The following ADGRL2 variants were observed in gnomAD, a reference collection of about 807,000 sequenced individuals.
The protein encoded by ADGRL2 is adhesion G protein-coupled receptor L2.
ADGRL2 carries 44 observed loss-of-function variants against 157.4 expected under a neutral mutation model. The ratio of observed to expected loss-of-function variants is 0.28; its 90% CI spans 0.22 to 0.36. The LOEUF is 0.36. Among genes scored for constraint, ADGRL2 ranks in the 10% least tolerant of loss-of-function variants. ADGRL2 has a pLI of 1.00. For missense variants in ADGRL2, 1,510 were observed against 1,768.9 expected, an observed-to-expected ratio of 0.85 and a Z score of 2.63; for synonymous variants, 585 against 624.7, an observed-to-expected ratio of 0.94 and a Z score of 0.95.
chr1:81,469,524 C>A (rs1384433295), intron 2 of ADGRL2, among the ~76,000 whole-genome samples: 2 of 152,180 alleles, frequency 1.3e-5, no homozygotes, highest in Non-Finnish European at 2.9e-5. Context: ...GAGTTTTCAG[C>A]TCTTATTCAA....
chr1:81,808,380 G>A (rs1352824067), intron 1 of ADGRL2, among the ~76,000 whole-genome samples: 3 of 152,148 alleles, frequency 2.0e-5, no homozygotes, highest in East Asian at 1.9e-4. Flanking sequence ...TGTTCACAGT[G>A]TAAGGATATT....
intron 2 of ADGRL2, among the ~76,000 whole-genome samples, chr1:81,880,774 C>A (rs1217876430): frequency 6.6e-6 from 1 of 151,630 alleles, no homozygotes. Context: ...GAATTTTTCA[C>A]CACGGGCATG....
intron 1 of ADGRL2, among the ~76,000 whole-genome samples, chr1:81,809,512 A>G: frequency 6.6e-6 from 1 of 152,034 alleles, no homozygotes; most frequent in Non-Finnish European, 1.5e-5. Context: ...CTTAGCATCA[A>G]TTCAAGCACA....
chr1:81,970,253 T>G (rs1658326906), intron 15 of ADGRL2, 61 bp from the exon 16 acceptor site: 1 of 1,067,030 alleles, frequency 9.4e-7, no homozygotes, highest in African/African-American at 1.6e-5. Context: ...TTTATAATTT[T>G]GGAGTGGGCT....
intron 2 of ADGRL2, among the ~76,000 whole-genome samples, chr1:81,555,997 G>GA (rs200263885): frequency 3.9e-4 from 56 of 141,904 alleles, no homozygotes; most frequent in East Asian, 6.1e-4. Context: ...CTACATTCCT[G>GA]AAAAAAAAAA....
chr1:81,606,967 CA>C (rs2081447897), intron 3 of ADGRL2, among the ~76,000 whole-genome samples: 1 of 152,210 alleles, frequency 6.6e-6, no homozygotes, highest in East Asian at 1.9e-4. Context: ...ACTCTAAAAC[CA>C]AAAGCAACAC....
At chr1:81,318,283 T>G (rs558783041) in intron 1 of ADGRL2, among the ~76,000 whole-genome samples, 1 of 152,298 alleles carries the variant, frequency 6.6e-6, no homozygotes, top group East Asian at 1.9e-4. Flanking sequence ...AAGATTACAT[T>G]TTACATCAAT....
intron 2 of ADGRL2, among the ~76,000 whole-genome samples, chr1:81,506,816 T>C (rs2078985205): frequency 6.6e-6 from 1 of 152,184 alleles, no homozygotes; most frequent in African/African-American, 2.4e-5. Flanking sequence ...ACAAAAAAGA[T>C]TGCTGAATCT....
intron 1 of ADGRL2, among the ~76,000 whole-genome samples, chr1:81,804,894 G>C (rs146432105): frequency 6.6e-6 from 1 of 152,128 alleles, no homozygotes; most frequent in Non-Finnish European, 1.5e-5. Context: ...GTAGGTAACT[G>C]TTTTTTATGT....
At chr1:81,353,744 C>T (rs1269848205) in intron 1 of ADGRL2, among the ~76,000 whole-genome samples, 2 of 152,014 alleles carry the variant, frequency 1.3e-5, no homozygotes, top group African/African-American at 2.4e-5. Context: ...GTGAGTATGC[C>T]ACATTTCAAG....
chr1:81,728,284 T>C (rs2084604927), intron 1 of ADGRL2, among the ~76,000 whole-genome samples: 1 of 152,204 alleles, frequency 6.6e-6, no homozygotes, highest in Non-Finnish European at 1.5e-5. Flanking sequence ...AATCTTAAAA[T>C]TTTGACTAAG....
At chr1:81,447,137 C>T (rs550152457) in intron 2 of ADGRL2, among the ~76,000 whole-genome samples, 24 of 151,932 alleles carry the variant, frequency 1.6e-4, no homozygotes, top group Non-Finnish European at 2.1e-4. Flanking sequence ...TATTGTGAAG[C>T]GCATATATTA....
At chr1:81,450,010 C>T (rs1320592550) in intron 2 of ADGRL2, among the ~76,000 whole-genome samples, 4 of 152,158 alleles carry the variant, frequency 2.6e-5, no homozygotes, top group Non-Finnish European at 4.4e-5. Flanking sequence ...ATTCCACCAC[C>T]GATGAGTCAG....
chr1:81,580,157 T>C (rs1157160280), intron 2 of ADGRL2, among the ~76,000 whole-genome samples: 1 of 152,164 alleles, frequency 6.6e-6, no homozygotes, highest in Non-Finnish European at 1.5e-5. Flanking sequence ...AGAGAAGCCG[T>C]AATCCACTGC....
chr1:81,558,823 G>A (rs1369731960), intron 2 of ADGRL2, among the ~76,000 whole-genome samples: 1 of 152,122 alleles, frequency 6.6e-6, no homozygotes, highest in Non-Finnish European at 1.5e-5. Flanking sequence ...AAGTACAGAT[G>A]GAAAAGAAGA....
At chr1:81,576,081 C>T (rs555414343) in intron 2 of ADGRL2, among the ~76,000 whole-genome samples, 1 of 152,106 alleles carries the variant, frequency 6.6e-6, no homozygotes, top group African/African-American at 2.4e-5. Flanking sequence ...CAGGATTAAG[C>T]ATTTTATTTA....
intron 3 of ADGRL2, among the ~76,000 whole-genome samples, chr1:81,636,612 G>A (rs1057358387): frequency 4.0e-5 from 6 of 151,810 alleles, no homozygotes; most frequent in South Asian, 2.1e-4. Flanking sequence ...TTACCCATAC[G>A]TCCCCATTTT....
chr1:81,860,378 T>C (rs1043944084), intron 2 of ADGRL2, among the ~76,000 whole-genome samples: 51 of 152,296 alleles, frequency 3.3e-4, no homozygotes, highest in Admixed American at 7.8e-4. Context: ...GGTTTCTCTA[T>C]GTTGCCCAAG....
intron 1 of ADGRL2, among the ~76,000 whole-genome samples, chr1:81,356,254 G>A (rs967662587): frequency 1.7e-4 from 26 of 152,170 alleles, no homozygotes; most frequent in African/African-American, 5.8e-4. Context: ...ATGCTGAAAC[G>A]CACATAAAAT....
Sources: gnomAD v4.1 joint callset for allele counts (sites outside exome capture counted in the v4.1 genomes callset) on GRCh38, gnomAD v4.1.1 for gene constraint, MANE v1.5 for transcripts, NCBI Gene and HGNC (gene_info 2026-07-23, HGNC 2026-07-21) for gene names.